The following CYFIP1 variants were observed in gnomAD, a reference collection of about 807,000 sequenced individuals.
CYFIP1 encodes the protein cytoplasmic FMR1 interacting protein 1.
A neutral mutation model predicts 163.5 loss-of-function variants in CYFIP1; 58 were observed. That is an observed-to-expected ratio of 0.35 (90% CI 0.29 to 0.44). CYFIP1 has a LOEUF of 0.44. CYFIP1 is among the 20% of genes least tolerant of loss of function. CYFIP1 has a pLI of 1.00. For missense variants in CYFIP1, 1,338 were observed against 1,653.8 expected, an observed-to-expected ratio of 0.81 and a Z score of 3.31; for synonymous variants, 663 against 660.7, an observed-to-expected ratio of 1.00 and a Z score of -0.05.
At chr15:22,904,449 C>A in intron 21 of CYFIP1, 1 of 169,406 alleles carries the variant, frequency 5.9e-6, no homozygotes, top group East Asian at 1.6e-4. Flanking sequence ...CTGCTCCCAC[C>A]TGAGGCGCAC....
At chr15:22,908,112 TAGAG>T (rs1252227633) in intron 21 of CYFIP1, among the ~76,000 whole-genome samples, 8 of 152,134 alleles carry the variant, frequency 5.3e-5, no homozygotes, top group African/African-American at 1.4e-4. Context: ...CAAATTGTGA[TAGAG>T]ACACAGGGAA....
intron 23 of CYFIP1, among the ~76,000 whole-genome samples, chr15:22,888,228 A>G (rs2059978662): frequency 2.0e-5 from 3 of 152,172 alleles, no homozygotes; most frequent in Admixed American, 2.0e-4. Context: ...ATTCCTGTGT[A>G]TTCCATAATC....
Position 22,917,911 on chromosome 15 carries a change from G to C in CYFIP1, c.1551C>G (p.Thr517=), listed in dbSNP as rs751438422. Residue 517 remains threonine (T), a synonymous_variant, in exon 15 of 31, where the codon ACC becomes ACG. Coordinates refer to ENST00000617928, the MANE Select transcript of CYFIP1 (RefSeq NM_014608.6). The surrounding 1 kb of genome is among the most constrained non-coding windows in gnomAD (Gnocchi z 4.2). ...CATGCCCCGTCTCCCAGTCACACAC[G>C]GTCTTCCTGATGGCCTGCAGGACAC... ...IQSVLQAIRK[T]VCDWETGHEP... The C allele has an allele frequency of 2.5e-6, 4 of 1,613,578 alleles. No individual in the cohort carries two copies. Among genetic ancestry groups the C allele is most frequent in the Admixed American group, 1.7e-5 (1 of 59,904 alleles).
chr15:22,925,987 C>T lies in CYFIP1; in HGVS notation c.1354G>A (p.Val452Met), dbSNP rs755254838. The part of the protein sequence containing the change: ...NYTSEEKFAL[V>M]EVIAMIKGLQ... ...GAGCGGCCGAGCATCCTCACCTCCA[C>T]TAGGGCAAACTTCTCCTCGCTGGTG... is the stretch of plus-strand genomic sequence containing the variant. Residue 452 changes from valine to methionine, a missense_variant, in exon 13 of 31, where the codon GTG becomes ATG. Val to Met is a conservative substitution (Grantham distance 21, BLOSUM62 1). Around this residue, in one of 4 missense-constraint regions of CYFIP1, gnomAD observed 824 missense variants for 995.7 expected, o/e 0.83. Coordinates refer to ENST00000617928, the MANE Select transcript of CYFIP1 (RefSeq NM_014608.6). 1 of 1,613,714 alleles carries T rather than the reference C, an allele frequency of 6.2e-7. No homozygotes were observed. Among genetic ancestry groups the T allele is most frequent in the East Asian group, 2.2e-5 (1 of 44,874 alleles).
At chr15:22,882,063 TCTGG>T in intron 24 of CYFIP1, 127 bp from the exon 25 acceptor site, 1 of 758,836 alleles carries the variant, frequency 1.3e-6, no homozygotes, top group Non-Finnish European at 2.2e-6. Context: ...TGCAGGATCG[TCTGG>T]CTGGGGAATA....
At chr15:22,879,668 A>C (rs1403369875) in intron 26 of CYFIP1, among the ~76,000 whole-genome samples, 1 of 152,186 alleles carries the variant, frequency 6.6e-6, no homozygotes, top group Non-Finnish European at 1.5e-5. Flanking sequence ...ATCACATAAT[A>C]TAACAGTTTT....
intron 11 of CYFIP1, 85 bp downstream of exon 11, chr15:22,932,138 T>G: frequency 1.1e-6 from 1 of 938,878 alleles, no homozygotes. Context: ...AAACTGTTTT[T>G]CAAAGCAATT....
chr15:22,899,634 A>G (rs764194043), intron 22 of CYFIP1, among the ~76,000 whole-genome samples: 9 of 152,212 alleles, frequency 5.9e-5, no homozygotes, highest in East Asian at 1.9e-4. Context: ...ATGTAGAACC[A>G]TAAGTCCATT....
chr15:22,910,491 G>T, intron 20 of CYFIP1, 29 bp downstream of exon 20: 1 of 1,574,014 alleles, frequency 6.4e-7, no homozygotes, highest in Non-Finnish European at 8.7e-7. Flanking sequence ...CACACTCTAC[G>T]TCCCCACCAC....
chr15:22,941,512 G>T (rs913967422), intron 6 of CYFIP1, among the ~76,000 whole-genome samples: 2 of 152,106 alleles, frequency 1.3e-5, no homozygotes, highest in East Asian at 1.9e-4. Flanking sequence ...TATACTAGTA[G>T]CCACGAGCAG....
rs375804810 is a variant in CYFIP1, at chr15:22,946,960, G to A, written c.207+43C>T. On this transcript the variant is annotated intron_variant, in intron 3 of 30. Transcript: ENST00000617928. ...AAGTATACATCTGTCCTTCAAACAC[G>A]CCCTTCTCTGCAGAGAGAAACAAAG... The A allele has an allele frequency of 9.3e-5, 141 of 1,521,614 alleles. No individual in the cohort carries two copies. The African/African-American group carries it at 1.5e-3, about 17-fold the overall frequency. The allele number at this position is 1,521,614 out of a possible 1,614,324, so 94.3% of individuals were successfully genotyped here.
At chr15:22,894,877 A>ATATAT (rs1555401576) in intron 22 of CYFIP1, among the ~76,000 whole-genome samples, 1 of 138,324 alleles carries the variant, frequency 7.2e-6, no homozygotes, top group Admixed American at 7.4e-5. Flanking sequence ...ATATATATAT[A>ATATAT]TTTTTTTTTT....
Position 22,917,807 on chromosome 15 carries a change from A to G in CYFIP1, c.1655T>C (p.Val552Ala), listed in dbSNP as rs1179523749. 3.7e-6 allele frequency: 6 copies of G among 1,611,310 alleles called. No individual in the cohort carries two copies. Among genetic ancestry groups the G allele is most frequent in the Non-Finnish European group, 3.4e-6 (4 of 1,178,872 alleles). The change falls in exon 15 of 31, where the codon GTG becomes GCG. Residue 552 changes from valine (V) to alanine (A), a missense_variant. Transcript: ENST00000617928. The surrounding 1 kb of genome is among the most constrained non-coding windows in gnomAD (Gnocchi z 4.2). ...GFDIKVPRRA[V>A]GPSSTQLYMV... is the part of the protein sequence containing the mutation. ...GAGAACCTGAGTGCTGGAGGGTCCCACGGCGCGGCGTGGTACTTTTATGTC... is the reference window on the plus strand; with the variant it reads ...GAGAACCTGAGTGCTGGAGGGTCCCGCGGCGCGGCGTGGTACTTTTATGTC...
chr15:22,915,798 A>G, intron 16 of CYFIP1, among the ~76,000 whole-genome samples: 1 of 152,312 alleles, frequency 6.6e-6, no homozygotes, highest in South Asian at 2.1e-4. Flanking sequence ...CACTTAGGAT[A>G]AAAACCAATG....
chr15:22,940,379 T>G (rs2061858044), intron 6 of CYFIP1, among the ~76,000 whole-genome samples: 1 of 152,146 alleles, frequency 6.6e-6, no homozygotes, highest in Admixed American at 6.5e-5. Flanking sequence ...TGTGGCCAAG[T>G]GACCAAGGAC....
At chr15:22,929,624 T>A (rs1295262035) in intron 11 of CYFIP1, among the ~76,000 whole-genome samples, 2 of 94,460 alleles carry the variant, frequency 2.1e-5, no homozygotes, top group Non-Finnish European at 3.8e-5. Context: ...AGAGAGAGAC[T>A]CTGTCTCAAA....
At chr15:22,942,658 G>C (rs2061928896) in intron 6 of CYFIP1, among the ~76,000 whole-genome samples, 1 of 152,214 alleles carries the variant, frequency 6.6e-6, no homozygotes, top group African/African-American at 2.4e-5. Flanking sequence ...ACCAGGGAGA[G>C]GATCTGGAAG....
chr15:22,916,828 C>T (rs139191809), intron 15 of CYFIP1, 198 bp from the exon 16 acceptor site: 68 of 1,556,400 alleles, frequency 4.4e-5, no homozygotes, highest in East Asian at 2.9e-4. Flanking sequence ...CAACTTGTAG[C>T]GGAGCAGTTC....
intron 29 of CYFIP1, 66 bp downstream of exon 29, chr15:22,873,425 C>A: frequency 7.4e-7 from 1 of 1,351,104 alleles, no homozygotes; most frequent in Non-Finnish European, 1.0e-6. Flanking sequence ...TAGCCTAACA[C>A]GCCTCCCCTC....
Sources: allele counts gnomAD v4.1 joint callset (sites outside exome capture counted in the v4.1 genomes callset), GRCh38; gene constraint gnomAD v4.1.1; regional missense constraint gnomAD v4.1.1; non-coding constraint Gnocchi (gnomAD v3.1); transcripts MANE v1.5; gene names NCBI Gene and HGNC (gene_info 2026-07-23, HGNC 2026-07-21).